The following STK3 variants were observed in gnomAD, a reference collection of about 807,000 sequenced individuals.
STK3 encodes the protein serine/threonine-protein kinase 3.
STK3 carries 41 observed loss-of-function variants against 58.0 expected under a neutral mutation model. The ratio of observed to expected loss-of-function variants is 0.71; its 90% CI spans 0.55 to 0.92. The LOEUF is 0.92. Ranked by LOEUF, STK3 falls within the 40% of genes least tolerant of loss-of-function variation. The probability of loss-of-function intolerance (pLI) is 0.00; values close to 1 mark genes in which losing one functional copy is unlikely to be tolerated. For missense variants in STK3, 479 were observed against 602.7 expected (o/e 0.79, Z 2.15); for synonymous variants, 170 against 191.0 (o/e 0.89, Z 0.91).
intron 1 of STK3, among the ~76,000 whole-genome samples, chr8:98,891,132 A>G (rs1405413645): frequency 1.3e-5 from 2 of 152,238 alleles, no homozygotes; most frequent in Non-Finnish European, 2.9e-5. Context: ...AGGTCAGTCT[A>G]CCAGGGCTGG....
chr8:98,472,687 T>C (rs1017085044), intron 10 of STK3, among the ~76,000 whole-genome samples: 1 of 152,174 alleles, frequency 6.6e-6, no homozygotes, highest in Non-Finnish European at 1.5e-5. Context: ...CTGAATGCAT[T>C]ATGAATTAGC....
chr8:98,584,590 T>G (rs1015118063), intron 7 of STK3, among the ~76,000 whole-genome samples: 1 of 149,470 alleles, frequency 6.7e-6, no homozygotes, highest in Non-Finnish European at 1.5e-5. Context: ...GCAGCATGAT[T>G]TATAGTCCTT....
chr8:98,445,233 C>T (rs1361592297), intron 1 of STK3, among the ~76,000 whole-genome samples: 2 of 152,118 alleles, frequency 1.3e-5, no homozygotes, highest in Non-Finnish European at 2.9e-5. Context: ...ATTGCTAAAT[C>T]ATATTCCCCA....
At chr8:98,365,539 C>T in the STK3 span, among the ~76,000 whole-genome samples, 3 of 152,112 alleles carry the variant, frequency 2.0e-5, no homozygotes, top group African/African-American at 4.8e-5. Context: ...CACAAATGAA[C>T]ACATGCTTAC....
intron 3 of STK3, chr8:98,427,016 C>T (rs1818244071): frequency 6.6e-6 from 1 of 150,628 alleles, no homozygotes; most frequent in Admixed American, 6.6e-5. Flanking sequence ...TGCTCCCGCC[C>T]CGGCTCACGG....
rs1471183593 is a variant in STK3, at chr8:98,620,474, AT to A, written c.685-24306del. Among the ~76,000 whole-genome samples the A allele has an allele frequency of 1.2e-3, 171 of 147,530 alleles. 3 individuals carry two copies. The East Asian group carries it at 0.015, about 13-fold the overall frequency. On this transcript the variant is annotated intron_variant, in intron 6 of 10. Transcript: ENST00000419617. The stretch of plus-strand genomic sequence containing the variant: ...TAAAACTTAAAGTATAATAAAAAAA[AT>A]AAATAAATAAATAAATAAATAAATA...
At chr8:98,701,220 G>C (rs935944410) in intron 6 of STK3, among the ~76,000 whole-genome samples, 2 of 150,798 alleles carry the variant, frequency 1.3e-5, no homozygotes, top group East Asian at 3.9e-4. Flanking sequence ...AGAAAGGAAA[G>C]GAAAAAAGTA....
chr8:98,762,226 C>T (rs1050642550), intron 3 of STK3, among the ~76,000 whole-genome samples: 1 of 152,160 alleles, frequency 6.6e-6, no homozygotes, highest in African/African-American at 2.4e-5. Flanking sequence ...TCTCTAAAGC[C>T]TCAAACCCAT....
intron 6 of STK3, among the ~76,000 whole-genome samples, chr8:98,701,589 T>A (rs1825619908): frequency 6.6e-6 from 1 of 151,200 alleles, no homozygotes; most frequent in Non-Finnish European, 1.5e-5. Context: ...GCCACCGTAC[T>A]CCAGCCCAGA....
intron 4 of STK3, among the ~76,000 whole-genome samples, chr8:98,743,358 A>C (rs1364197429): frequency 2.0e-5 from 3 of 152,150 alleles, no homozygotes; most frequent in African/African-American, 7.2e-5. Context: ...CAGTAACCAA[A>C]ACAGCATGGT....
At chr8:98,598,367 C>T (rs751593935) in intron 6 of STK3, 2 of 985,274 alleles carry the variant, frequency 2.0e-6, no homozygotes, top group Non-Finnish European at 2.4e-6. Flanking sequence ...TAAAATGTCA[C>T]ATTCTACCCT....
chr8:98,776,488 G>A (rs1027117232), intron 1 of STK3, among the ~76,000 whole-genome samples: 1 of 152,160 alleles, frequency 6.6e-6, no homozygotes, highest in African/African-American at 2.4e-5. Context: ...TTCAGCAAGT[G>A]AGCAGGGTAT....
intron 1 of STK3, among the ~76,000 whole-genome samples, chr8:98,382,767 A>T (rs555843224): frequency 2.6e-5 from 4 of 152,270 alleles, no homozygotes; most frequent in Non-Finnish European, 5.9e-5. Context: ...GACTGAGGGG[A>T]AAAGGCAAGA....
At chr8:98,445,659 C>T (rs1396791255) in intron 1 of STK3, among the ~76,000 whole-genome samples, 3 of 152,098 alleles carry the variant, frequency 2.0e-5, no homozygotes, top group East Asian at 1.9e-4. Context: ...AAGAAGAAAA[C>T]TGCTGACAAA....
At chr8:98,900,154 G>T (rs1587821110) in intron 1 of STK3, among the ~76,000 whole-genome samples, 1 of 152,032 alleles carries the variant, frequency 6.6e-6, no homozygotes. Context: ...TTGGCTCACT[G>T]CACCCTCCAC....
At chr8:98,745,285 G>GT (rs907338827) in intron 4 of STK3, among the ~76,000 whole-genome samples, 8 of 152,146 alleles carry the variant, frequency 5.3e-5, no homozygotes, top group Admixed American at 3.9e-4. Context: ...TGTAATAAAT[G>GT]TTTTTTTATA....
At chr8:98,605,647 G>A (rs1377306539) in intron 6 of STK3, among the ~76,000 whole-genome samples, 1 of 152,064 alleles carries the variant, frequency 6.6e-6, no homozygotes, top group Admixed American at 6.6e-5. Context: ...TATCACAAAT[G>A]TAGTGGTTCA....
chr8:98,562,809 G>A (rs1812164731), intron 8 of STK3, among the ~76,000 whole-genome samples: 1 of 148,380 alleles, frequency 6.7e-6, no homozygotes, highest in Non-Finnish European at 1.5e-5. Context: ...CTACTTGGGA[G>A]GTTGAGGCAG....
intron 1 of STK3, among the ~76,000 whole-genome samples, chr8:98,934,945 A>C (rs1051259294): frequency 6.6e-6 from 1 of 152,166 alleles, no homozygotes. Flanking sequence ...AATAAAATAA[A>C]ATAACATGAC....
Sources: gnomAD v4.1 joint callset for allele counts (sites outside exome capture counted in the v4.1 genomes callset) on GRCh38, gnomAD v4.1.1 for gene constraint, MANE v1.5 for transcripts, NCBI Gene and HGNC (gene_info 2026-07-23, HGNC 2026-07-21) for gene names.